EPHA3: variants seen among roughly 807,000 people sequenced by gnomAD.
The protein encoded by EPHA3 is ephrin type-A receptor 3.
A neutral mutation model predicts 107.1 loss-of-function variants in EPHA3; 42 were observed. The observed-to-expected ratio is 0.39, with a 90% confidence interval of 0.31 to 0.51. The LOEUF (loss-of-function observed/expected upper bound fraction) is 0.51. Among genes scored for constraint, EPHA3 ranks in the 20% least tolerant of loss-of-function variants. The pLI, the probability that EPHA3 is intolerant of heterozygous loss-of-function variation, is 0.78. For missense variants in EPHA3, 1,183 were observed against 1,211.2 expected, an observed-to-expected ratio of 0.98 and a Z score of 0.35; for synonymous variants, 461 against 424.8, an observed-to-expected ratio of 1.09 and a Z score of -1.05.
intron 2 of EPHA3, among the ~76,000 whole-genome samples, chr3:89,198,690 T>C (rs1208120363): frequency 1.3e-5 from 2 of 152,212 alleles, no homozygotes; most frequent in Non-Finnish European, 2.9e-5. Flanking sequence ...AAACTTAGCA[T>C]ATGTTCCATA....
At chr3:89,233,677 G>A (rs539741263) in intron 3 of EPHA3, among the ~76,000 whole-genome samples, 1 of 152,096 alleles carries the variant, frequency 6.6e-6, no homozygotes. Context: ...CTAACCAAAG[G>A]CTGGAGTATA....
chr3:89,139,469 G>T (rs893090970), intron 2 of EPHA3, among the ~76,000 whole-genome samples: 1 of 151,800 alleles, frequency 6.6e-6, no homozygotes, highest in Non-Finnish European at 1.5e-5. Context: ...ACACAATTTT[G>T]ATGGAAATTT....
intron 5 of EPHA3, among the ~76,000 whole-genome samples, chr3:89,392,214 T>A (rs1001790846): frequency 1.1e-4 from 17 of 152,086 alleles, no homozygotes; most frequent in African/African-American, 3.4e-4. Flanking sequence ...CTGAGGCAGT[T>A]GGATCAACTG....
intron 2 of EPHA3, among the ~76,000 whole-genome samples, chr3:89,154,330 A>G (rs1282014862): frequency 2.0e-5 from 3 of 151,182 alleles, no homozygotes; most frequent in African/African-American, 7.3e-5. Flanking sequence ...GTGAGCACTC[A>G]ATAGATATCT....
In EPHA3 at chr3:89,364,244, T is replaced by C. The variant is rs989554058; in HGVS notation, c.1306+22154T>C. ...TGAGGGCTTGTTAATCATCTTTGGG[T>C]ACTGCTATTGATGAAAACTCTCAGC... On this transcript the variant is annotated intron_variant, in intron 5 of 16. Coordinates refer to ENST00000336596, the MANE Select transcript of EPHA3 (RefSeq NM_005233.6). Among the ~76,000 whole-genome samples the C allele has an allele frequency of 3.3e-5, 5 of 150,886 alleles. 1 individual carries two copies. Among genetic ancestry groups the C allele is most frequent in the Non-Finnish European group, 5.9e-5 (4 of 67,378 alleles).
chr3:89,386,440 C>T (rs1045757355), intron 5 of EPHA3, among the ~76,000 whole-genome samples: 2 of 152,164 alleles, frequency 1.3e-5, no homozygotes, highest in African/African-American at 4.8e-5. Flanking sequence ...GTGCAAGACC[C>T]AAGCCTTGGC....
intron 13 of EPHA3, among the ~76,000 whole-genome samples, chr3:89,433,800 A>C (rs1709616046): frequency 6.6e-6 from 1 of 152,186 alleles, no homozygotes; most frequent in Admixed American, 6.6e-5. Flanking sequence ...GAAATTGCCA[A>C]ACATGGGATC....
At chr3:89,275,263 T>G (rs1705779499) in intron 3 of EPHA3, among the ~76,000 whole-genome samples, 1 of 152,050 alleles carries the variant, frequency 6.6e-6, no homozygotes, top group Non-Finnish European at 1.5e-5. Flanking sequence ...TTCATGTTCT[T>G]CAGAAATCAC....
rs145254869 is a variant in EPHA3 at position 89,312,769 on chromosome 3, G to A, written c.815-28147G>A. The stretch of plus-strand genomic sequence containing the variant: ...TGCTCCAGAAGGCCCCAGTGTGTGT[G>A]GTTCCTCACCATGTGTCCATACCTT... On this transcript the variant is annotated intron_variant, in intron 3 of 16. Coordinates refer to ENST00000336596, the MANE Select transcript of EPHA3 (RefSeq NM_005233.6). Among the ~76,000 whole-genome samples, 613 of 151,822 alleles carry A rather than the reference G, an allele frequency of 4.0e-3. 5 individuals carry two copies. Among genetic ancestry groups the A allele is most frequent in the African/African-American group, 0.012 (486 of 41,444 alleles).
At chr3:89,144,723 A>G (rs1704498188) in intron 2 of EPHA3, among the ~76,000 whole-genome samples, 1 of 151,696 alleles carries the variant, frequency 6.6e-6, no homozygotes, top group Admixed American at 6.6e-5. Flanking sequence ...CTCGTTTCCA[A>G]ACACTCTGTG....
chr3:89,137,953 G>A (rs1317664462), intron 2 of EPHA3, among the ~76,000 whole-genome samples: 1 of 151,864 alleles, frequency 6.6e-6, no homozygotes, highest in African/African-American at 2.4e-5. Flanking sequence ...TAGAAACCCT[G>A]AGGATGGGGC....
At chr3:89,472,783 T>C (rs1335842083) in intron 16 of EPHA3, among the ~76,000 whole-genome samples, 164 bp downstream of exon 16, 2 of 152,182 alleles carry the variant, frequency 1.3e-5, no homozygotes, top group Non-Finnish European at 2.9e-5. Flanking sequence ...CTGGGTCTCC[T>C]TGTGGCCCAC....
chr3:89,254,847 TC>T (rs1318847642), intron 3 of EPHA3, among the ~76,000 whole-genome samples: 1 of 152,212 alleles, frequency 6.6e-6, no homozygotes, highest in African/African-American at 2.4e-5. Flanking sequence ...GCAAGACATC[TC>T]ATTTCTGAAC....
chr3:89,316,688 C>T (rs1358680722), intron 3 of EPHA3, among the ~76,000 whole-genome samples: 1 of 150,930 alleles, frequency 6.6e-6, no homozygotes, highest in East Asian at 2.0e-4. Context: ...TTAATGCTCT[C>T]TTATGGAAAA....
chr3:89,443,910 A>T (rs1210257242), intron 13 of EPHA3, among the ~76,000 whole-genome samples: 1 of 152,186 alleles, frequency 6.6e-6, no homozygotes, highest in Non-Finnish European at 1.5e-5. Context: ...ACCCAGTTAC[A>T]GAAAAAAGGA....
In EPHA3 at chr3:89,300,664, C is replaced by A. The variant is rs187433206; in HGVS notation, c.815-40252C>A. Among the ~76,000 whole-genome samples the A allele has an allele frequency of 4.0e-4, 61 of 152,158 alleles. No homozygotes were observed. In the East Asian group the frequency reaches 0.011, roughly 28 times the overall value. ...AATAAGCTTTGGAGCCAGATTTCAG[C>A]CTTTGATGTCTGACTTCAGAGTTCA... is the stretch of plus-strand genomic sequence containing the variant. On this transcript the variant is annotated intron_variant, in intron 3 of 16. Coordinates refer to ENST00000336596, the MANE Select transcript of EPHA3 (RefSeq NM_005233.6).
At chr3:89,456,688 A>G (rs1189952610) in intron 15 of EPHA3, among the ~76,000 whole-genome samples, 2 of 152,182 alleles carry the variant, frequency 1.3e-5, no homozygotes, top group African/African-American at 4.8e-5. Flanking sequence ...TCAAACAATT[A>G]CTTAGATGCT....
At chr3:89,264,005 A>G (rs1358088065) in intron 3 of EPHA3, among the ~76,000 whole-genome samples, 1 of 152,074 alleles carries the variant, frequency 6.6e-6, no homozygotes, top group Non-Finnish European at 1.5e-5. Context: ...TCAAAAATCC[A>G]CGTCCATCCC....
rs563628657 is a variant in EPHA3, at chr3:89,152,003, T to C, written c.153+24730T>C. Among the ~76,000 whole-genome samples, 4 of 152,182 alleles carry C rather than the reference T, an allele frequency of 2.6e-5. No homozygotes were observed. The East Asian group carries it at 7.8e-4, about 30-fold the overall frequency. The stretch of plus-strand genomic sequence containing the variant: ...TTTTAAATTACAGATTTTCCACATT[T>C]AAATTTTAATATTGTTTGGTAGAAA... On this transcript the variant is annotated intron_variant, in intron 2 of 16. Transcript: ENST00000336596.
Sources: gnomAD v4.1 joint callset for allele counts (sites outside exome capture counted in the v4.1 genomes callset) on GRCh38, gnomAD v4.1.1 for gene constraint, MANE v1.5 for transcripts, NCBI Gene and HGNC (gene_info 2026-07-23, HGNC 2026-07-21) for gene names.